The following KIAA1217 variants were observed in gnomAD, a reference collection of about 807,000 sequenced individuals.
The protein encoded by KIAA1217 is KIAA1217.
KIAA1217 carries 88 observed loss-of-function variants against 163.9 expected under a neutral mutation model. The ratio of observed to expected loss-of-function variants is 0.54; its 90% CI spans 0.45 to 0.64. The LOEUF (loss-of-function observed/expected upper bound fraction) is 0.64. Among genes scored for constraint, KIAA1217 ranks in the 30% least tolerant of loss-of-function variants. The probability of loss-of-function intolerance (pLI) is 0.00; values close to 1 mark genes in which losing one functional copy is unlikely to be tolerated. For synonymous variants in KIAA1217, 903 were observed against 923.1 expected (o/e 0.98, Z 0.39); for missense variants, 2,372 against 2,475.0 (o/e 0.96, Z 0.88).
chr10:23,713,223 A>G (rs1837368158), intron 1 of KIAA1217, among the ~76,000 whole-genome samples: 1 of 152,102 alleles, frequency 6.6e-6, no homozygotes, highest in African/African-American at 2.4e-5. Context: ...GCCCATTCAG[A>G]GTAGGTTTTG....
intron 2 of KIAA1217, among the ~76,000 whole-genome samples, chr10:24,172,030 C>G (rs148271896): frequency 2.6e-5 from 4 of 152,064 alleles, no homozygotes; most frequent in Non-Finnish European, 4.4e-5. Flanking sequence ...TTAGACATGG[C>G]AAATGGCTTG....
intron 1 of KIAA1217, among the ~76,000 whole-genome samples, chr10:24,004,410 T>C (rs1160398643): frequency 6.6e-6 from 1 of 152,204 alleles, no homozygotes; most frequent in Admixed American, 6.5e-5. Flanking sequence ...CAAAATTCAC[T>C]AAGAACTTCC....
chr10:24,330,931 T>A lies in KIAA1217; in HGVS notation c.355-49938T>A, dbSNP rs111735845. ...GCCCAGCCAGGACATTTTATTTTTA[T>A]CTTATATATATTTTTTTATTTTTAT... On this transcript the variant is annotated intron_variant, in intron 2 of 20. Transcript: ENST00000376454. Among the ~76,000 whole-genome samples, 799 of 152,064 alleles carry A rather than the reference T, an allele frequency of 5.3e-3. 4 individuals are homozygous for A. The highest frequency in any genetic ancestry group is 8.5e-3 in the Non-Finnish European group (578 of 67,968).
intron 1 of KIAA1217, among the ~76,000 whole-genome samples, chr10:23,790,702 C>CAT: frequency 8.5e-6 from 1 of 118,208 alleles, no homozygotes; most frequent in Middle Eastern, 4.2e-3. Context: ...TATATACACA[C>CAT]ACATATATAT....
At chr10:24,111,211 G>T (rs1231205873) in intron 2 of KIAA1217, among the ~76,000 whole-genome samples, 1 of 152,100 alleles carries the variant, frequency 6.6e-6, no homozygotes, top group Non-Finnish European at 1.5e-5. Context: ...TCTTCCAAAG[G>T]TTGGCTATGG....
At chr10:23,873,119 A>G (rs1840538636) in intron 1 of KIAA1217, among the ~76,000 whole-genome samples, 1 of 152,122 alleles carries the variant, frequency 6.6e-6, no homozygotes, top group South Asian at 2.1e-4. Flanking sequence ...TACCAGGAAT[A>G]GAGATCAAAT....
chr10:24,316,296 A>C (rs947764135), intron 2 of KIAA1217, among the ~76,000 whole-genome samples: 10 of 152,162 alleles, frequency 6.6e-5, no homozygotes, highest in Non-Finnish European at 1.2e-4. Context: ...TTAAGGGCAG[A>C]GGGATGGTGT....
rs987533098 is a variant in KIAA1217, at chr10:24,154,112, T to C, written c.-170-65514T>C. On this transcript the variant is annotated intron_variant, in intron 2 of 18. Transcript: ENST00000376462. ...AGCTGGGACTACAGGCGCCCGCCAC[T>C]ACGCCCGGCTAATTTTTTGTATTTT... Among the ~76,000 whole-genome samples, 8 of 151,166 alleles carry C rather than the reference T, an allele frequency of 5.3e-5. No homozygotes were observed. The East Asian group carries it at 9.8e-4, about 19-fold the overall frequency.
At chr10:23,982,187 T>C (rs894794228) in intron 1 of KIAA1217, among the ~76,000 whole-genome samples, 4 of 152,144 alleles carry the variant, frequency 2.6e-5, no homozygotes, top group Middle Eastern at 3.2e-3. Context: ...ATTTCATTCA[T>C]AATCCAATGA....
chr10:23,973,139 G>T (rs928328334), intron 1 of KIAA1217, among the ~76,000 whole-genome samples: 1 of 151,698 alleles, frequency 6.6e-6, no homozygotes, highest in Admixed American at 6.6e-5. Context: ...CTTCAAAATT[G>T]TGATATCACT....
chr10:24,118,563 G>T (rs1465603970), intron 2 of KIAA1217, among the ~76,000 whole-genome samples: 1 of 152,200 alleles, frequency 6.6e-6, no homozygotes, highest in East Asian at 1.9e-4. Context: ...CTGTAAAACA[G>T]CACCGGGCTG....
At chr10:24,327,433 A>T (rs1383177362) in intron 2 of KIAA1217, among the ~76,000 whole-genome samples, 1 of 152,176 alleles carries the variant, frequency 6.6e-6, no homozygotes, top group Admixed American at 6.6e-5. Flanking sequence ...TTTCTCATTG[A>T]GTGCTATGTG....
chr10:24,258,016 C>A (rs933366604), intron 2 of KIAA1217, among the ~76,000 whole-genome samples: 6 of 151,974 alleles, frequency 3.9e-5, no homozygotes, highest in Non-Finnish European at 4.4e-5. Flanking sequence ...TTGTACCTTG[C>A]GCTTTTAAAA....
At chr10:23,746,032 A>G (rs1291337462) in intron 1 of KIAA1217, among the ~76,000 whole-genome samples, 2 of 152,072 alleles carry the variant, frequency 1.3e-5, no homozygotes, top group Non-Finnish European at 2.9e-5. Context: ...TATTGCTGCC[A>G]TTTGTTTGTT....
intron 1 of KIAA1217, among the ~76,000 whole-genome samples, chr10:23,858,037 A>C (rs1176333347): frequency 6.6e-6 from 1 of 151,720 alleles, no homozygotes; most frequent in Non-Finnish European, 1.5e-5. Flanking sequence ...TCAGATATGG[A>C]AGGGGAGGAA....
At chr10:23,842,917 A>G (rs903238247) in intron 1 of KIAA1217, among the ~76,000 whole-genome samples, 1 of 152,194 alleles carries the variant, frequency 6.6e-6, no homozygotes, top group South Asian at 2.1e-4. Flanking sequence ...GTAGGCAATC[A>G]GAAAATTTCA....
chr10:24,208,958 G>T, upstream of KIAA1217: 1 of 461,084 alleles, frequency 2.2e-6, no homozygotes, highest in Non-Finnish European at 3.9e-6. Flanking sequence ...CGGACGGACG[G>T]ACAGACCTAG....
chr10:24,152,076 C>T (rs1178326251), intron 2 of KIAA1217, among the ~76,000 whole-genome samples: 1 of 152,182 alleles, frequency 6.6e-6, no homozygotes, highest in Non-Finnish European at 1.5e-5. Flanking sequence ...CTCCCTCCCT[C>T]CCTGCATGGC....
At chr10:23,907,048 G>C (rs983041096) in intron 1 of KIAA1217, among the ~76,000 whole-genome samples, 1 of 152,024 alleles carries the variant, frequency 6.6e-6, no homozygotes, top group Non-Finnish European at 1.5e-5. Flanking sequence ...GCAGCGTACA[G>C]TCATTTATGG....
Sources: gnomAD v4.1 joint callset for allele counts (sites outside exome capture counted in the v4.1 genomes callset) on GRCh38, gnomAD v4.1.1 for gene constraint, MANE v1.5 for transcripts, NCBI Gene and HGNC (gene_info 2026-07-23, HGNC 2026-07-21) for gene names.